KCNAB1: variants seen among roughly 807,000 people sequenced by gnomAD.
KCNAB1 encodes potassium voltage-gated channel subfamily A regulatory beta subunit 1, also known as voltage-gated potassium channel subunit beta-1.
A neutral mutation model predicts 64.6 loss-of-function variants in KCNAB1; 35 were observed. The observed-to-expected ratio is 0.54, with a 90% CI of 0.41 to 0.72. The LOEUF (loss-of-function observed/expected upper bound fraction) is 0.72. Ranked by LOEUF, KCNAB1 falls within the 30% of genes least tolerant of loss-of-function variation. KCNAB1 has a pLI of 0.00. For synonymous variants in KCNAB1, 177 were observed against 183.8 expected, an observed-to-expected ratio of 0.96 and a Z score of 0.30; for missense variants, 401 against 512.9, an observed-to-expected ratio of 0.78 and a Z score of 2.11.
In KCNAB1 at chr3:156,463,780, T is replaced by C. The variant is rs754587979; in HGVS notation, c.527+34T>C. 6 of 1,528,846 alleles carry C rather than the reference T, an allele frequency of 3.9e-6. No homozygotes were observed. In the East Asian group the frequency reaches 9.1e-5, roughly 23 times the overall value. 94.7% of individuals were successfully genotyped at this position (1,528,846 alleles called of 1,614,324 possible). A position where few individuals can be genotyped will look rare whatever the true frequency, so the allele number is the denominator to read the frequency against. ...TTTTTCCTACTAAACAGAAAACAAC[T>C]AGTAGTTCATGCTTTTTTGCTGTTA... On this transcript the variant is annotated intron_variant, in intron 6 of 13. Coordinates refer to ENST00000490337, the MANE Select transcript of KCNAB1 (RefSeq NM_172160.3).
intron 8 of KCNAB1, among the ~76,000 whole-genome samples, chr3:156,511,264 C>T (rs536271042): frequency 1.6e-3 from 237 of 152,018 alleles, no homozygotes; most frequent in African/African-American, 4.4e-3. Context: ...CCACCACGCC[C>T]GGCTAATTTT....
At chr3:156,534,331 G>A (rs1718902119) in intron 13 of KCNAB1, among the ~76,000 whole-genome samples, 1 of 152,176 alleles carries the variant, frequency 6.6e-6, no homozygotes, top group South Asian at 2.1e-4. Flanking sequence ...ATATAAATCA[G>A]AGCCTGACAG....
chr3:156,351,373 G>A (rs1251679377), intron 1 of KCNAB1, among the ~76,000 whole-genome samples: 3 of 152,236 alleles, frequency 2.0e-5, no homozygotes, highest in Admixed American at 1.3e-4. Flanking sequence ...AAAGACAGGC[G>A]TGCATGGATG....
intron 1 of KCNAB1, among the ~76,000 whole-genome samples, chr3:156,236,543 T>C (rs1716860226): frequency 6.6e-6 from 1 of 152,092 alleles, no homozygotes; most frequent in Non-Finnish European, 1.5e-5. Flanking sequence ...TAACAGCCAT[T>C]TGGGGGTGCT....
intron 1 of KCNAB1, among the ~76,000 whole-genome samples, chr3:156,298,286 G>C: frequency 6.6e-6 from 1 of 152,222 alleles, no homozygotes; most frequent in Non-Finnish European, 1.5e-5. Context: ...GTATGTGTGT[G>C]TGTGCATGCA....
At chr3:156,291,824 C>G in intron 1 of KCNAB1, 3 of 1,592,678 alleles carry the variant, frequency 1.9e-6, no homozygotes, top group Non-Finnish European at 2.6e-6. Context: ...AAAAGAAAAG[C>G]AGAAATCCCC....
intron 1 of KCNAB1, among the ~76,000 whole-genome samples, chr3:156,410,481 G>T (rs188464615): frequency 4.6e-5 from 7 of 152,210 alleles, no homozygotes; most frequent in Admixed American, 3.9e-4. Flanking sequence ...CCAACATTCT[G>T]GTAGATATTT....
At chr3:156,533,044 G>A (rs1718811528) in intron 13 of KCNAB1, among the ~76,000 whole-genome samples, 1 of 152,194 alleles carries the variant, frequency 6.6e-6, no homozygotes, top group Admixed American at 6.5e-5. Context: ...ATCTTTGAGA[G>A]CCTATTGTAT....
intron 1 of KCNAB1, among the ~76,000 whole-genome samples, chr3:156,189,613 C>T (rs1456249076): frequency 6.6e-6 from 1 of 152,002 alleles, no homozygotes; most frequent in African/African-American, 2.4e-5. Flanking sequence ...TGTTTTCCTA[C>T]CATTTAAATC....
At chr3:156,315,844 G>T (rs1338666015) in intron 1 of KCNAB1, among the ~76,000 whole-genome samples, 1 of 152,058 alleles carries the variant, frequency 6.6e-6, no homozygotes, top group Non-Finnish European at 1.5e-5. Flanking sequence ...TGTGAATGTG[G>T]GGTCCTAATG....
chr3:156,206,342 T>A (rs1419676089), intron 1 of KCNAB1, among the ~76,000 whole-genome samples: 1 of 152,216 alleles, frequency 6.6e-6, no homozygotes, highest in Non-Finnish European at 1.5e-5. Flanking sequence ...CCAATTAGCA[T>A]GAACCCAAAA....
chr3:156,267,020 T>C (rs530901336), intron 1 of KCNAB1, among the ~76,000 whole-genome samples: 1 of 151,976 alleles, frequency 6.6e-6, no homozygotes, highest in African/African-American at 2.4e-5. Flanking sequence ...AAGTGATATG[T>C]ACTCAAGCAG....
intron 1 of KCNAB1, among the ~76,000 whole-genome samples, chr3:156,238,893 A>G (rs1717008514): frequency 6.6e-6 from 1 of 152,344 alleles, no homozygotes; most frequent in East Asian, 1.9e-4. Context: ...GTCTACAACA[A>G]TACTTCGCTT....
At position 156,133,239 on chromosome 3, in the gene KCNAB1, A is replaced by G. The variant is rs527850986; in HGVS notation, c.275+12353A>G. 1.5e-4 allele frequency among the ~76,000 whole-genome samples: 23 copies of G among 152,314 alleles called. 1 individual carries two copies. Among genetic ancestry groups the G allele is most frequent in the African/African-American group, 5.3e-4 (22 of 41,576 alleles). The stretch of plus-strand genomic sequence containing the variant: ...AGAAAGATCAGCTCTTTCTGTCTCA[A>G]GCCTAGTAATTTGAACGATGTGACT... On this transcript the variant is annotated intron_variant, in intron 1 of 13. Coordinates refer to ENST00000490337, the MANE Select transcript of KCNAB1 (RefSeq NM_172160.3).
chr3:156,259,639 G>A (rs1718311765), intron 1 of KCNAB1, among the ~76,000 whole-genome samples: 1 of 152,162 alleles, frequency 6.6e-6, no homozygotes, highest in African/African-American at 2.4e-5. Flanking sequence ...TTATGCCATT[G>A]CCTAGGTTTT....
At chr3:156,263,893 T>C (rs1240780223) in intron 1 of KCNAB1, among the ~76,000 whole-genome samples, 3 of 152,116 alleles carry the variant, frequency 2.0e-5, no homozygotes, top group Non-Finnish European at 4.4e-5. Context: ...GGAGGGCCAA[T>C]TGCATATTGC....
At chr3:156,301,702 A>G (rs1721166493) in intron 1 of KCNAB1, among the ~76,000 whole-genome samples, 1 of 152,208 alleles carries the variant, frequency 6.6e-6, no homozygotes, top group South Asian at 2.1e-4. Flanking sequence ...GATCTTTTGG[A>G]AATCAAGAGG....
intron 1 of KCNAB1, among the ~76,000 whole-genome samples, chr3:156,340,797 C>T (rs1015787820): frequency 1.2e-4 from 18 of 152,304 alleles, no homozygotes; most frequent in South Asian, 1.0e-3. Context: ...TGGGTGCCTG[C>T]GCAGACTTTT....
chr3:156,241,852 A>C (rs1314934261), intron 1 of KCNAB1, among the ~76,000 whole-genome samples: 1 of 152,196 alleles, frequency 6.6e-6, no homozygotes. Flanking sequence ...TAAATTTTTA[A>C]AAACCTTGTG....
Sources: allele counts gnomAD v4.1 joint callset (sites outside exome capture counted in the v4.1 genomes callset), GRCh38; gene constraint gnomAD v4.1.1; transcripts MANE v1.5; gene names NCBI Gene and HGNC (gene_info 2026-07-23, HGNC 2026-07-21).